The following FRMD4A variants were observed in gnomAD, a reference collection of about 807,000 sequenced individuals.
FRMD4A encodes the protein FERM domain containing 4A, also known as FERM domain-containing protein 4A.
In FRMD4A, 29 loss-of-function variants were observed where a neutral mutation model predicts 129.1. The ratio of observed to expected loss-of-function variants is 0.22; its 90% CI spans 0.17 to 0.31. FRMD4A has a LOEUF of 0.31. Ranked by LOEUF, FRMD4A falls within the 10% of genes least tolerant of loss-of-function variation. The probability of loss-of-function intolerance (pLI) is 1.00; values close to 1 mark genes in which losing one functional copy is unlikely to be tolerated. For synonymous variants in FRMD4A, 634 were observed against 571.6 expected, an observed-to-expected ratio of 1.11 and a Z score of -1.56; for missense variants, 1,272 against 1,375.8, an observed-to-expected ratio of 0.92 and a Z score of 1.19.
At chr10:14,076,225 C>G (rs7099140) in intron 2 of FRMD4A, among the ~76,000 whole-genome samples, 1 of 152,106 alleles carries the variant, frequency 6.6e-6, no homozygotes, top group Non-Finnish European at 1.5e-5. Context: ...ATGTTACCTG[C>G]GAGCTTACCA....
At chr10:13,788,865 T>C (rs991897427) in intron 5 of FRMD4A, among the ~76,000 whole-genome samples, 1 of 152,200 alleles carries the variant, frequency 6.6e-6, no homozygotes, top group South Asian at 2.1e-4. Context: ...CTGGTTGCAA[T>C]AGACTGAACA....
At chr10:13,884,164 A>ACGCT (rs1564970996) in intron 2 of FRMD4A, among the ~76,000 whole-genome samples, 1 of 39,888 alleles carries the variant, frequency 2.5e-5, no homozygotes. Flanking sequence ...TCTCACACAC[A>ACGCT]CACTCACACA....
chr10:13,976,496 T>A (rs2095542531), intron 2 of FRMD4A, among the ~76,000 whole-genome samples: 1 of 151,936 alleles, frequency 6.6e-6, no homozygotes, highest in South Asian at 2.1e-4. Flanking sequence ...TTCTGTGTTT[T>A]CTATCCCGGC....
chr10:14,310,971 A>G (rs1469699627), intron 2 of FRMD4A, among the ~76,000 whole-genome samples: 1 of 152,044 alleles, frequency 6.6e-6, no homozygotes, highest in Non-Finnish European at 1.5e-5. Context: ...AATCTTGGGT[A>G]ATTTCCCCAG....
chr10:14,327,037 G>A (rs2132128401), intron 2 of FRMD4A: 1 of 398,486 alleles, frequency 2.5e-6, no homozygotes, highest in South Asian at 1.3e-4. Context: ...AAGAATCAGT[G>A]AGGTCCTCCC....
At chr10:13,951,429 C>T (rs1205743254) in intron 2 of FRMD4A, among the ~76,000 whole-genome samples, 1 of 151,920 alleles carries the variant, frequency 6.6e-6, no homozygotes. Flanking sequence ...AGGAAAACTA[C>T]AGAGGGAGAT....
At chr10:14,273,793 A>G (rs1845244999) in intron 2 of FRMD4A, among the ~76,000 whole-genome samples, 1 of 152,152 alleles carries the variant, frequency 6.6e-6, no homozygotes, top group South Asian at 2.1e-4. Context: ...TCCTTTGATA[A>G]AAATTGATGG....
At chr10:13,707,457 G>T (rs375759421) in intron 12 of FRMD4A, 2 of 1,035,334 alleles carry the variant, frequency 1.9e-6, no homozygotes, top group Non-Finnish European at 2.3e-6. Context: ...GGGAGGAGAG[G>T]TGGAGACCGG....
intron 3 of FRMD4A, among the ~76,000 whole-genome samples, chr10:13,817,741 C>T (rs1336148362): frequency 6.6e-6 from 1 of 152,150 alleles, no homozygotes; most frequent in Non-Finnish European, 1.5e-5. Flanking sequence ...ACTGTGAGTT[C>T]ACTAAACCTC....
chr10:13,722,113 G>A (rs917520858), intron 12 of FRMD4A, among the ~76,000 whole-genome samples: 1 of 151,630 alleles, frequency 6.6e-6, no homozygotes, highest in African/African-American at 2.4e-5. Flanking sequence ...CTTTCAGAAA[G>A]ATTATAAGCA....
At chr10:13,780,494 G>T (rs1378179098) in intron 6 of FRMD4A, among the ~76,000 whole-genome samples, 1 of 152,070 alleles carries the variant, frequency 6.6e-6, no homozygotes, top group African/African-American at 2.4e-5. Context: ...CAGGACAAGG[G>T]GCTGTCGCTC....
At chr10:14,196,908 G>T (rs1403625184) in intron 2 of FRMD4A, among the ~76,000 whole-genome samples, 2 of 152,172 alleles carry the variant, frequency 1.3e-5, no homozygotes, top group East Asian at 3.9e-4. Context: ...GGAGGTCAAG[G>T]CCAGGCAGGG....
At chr10:13,784,287 A>G (rs773150658) in intron 5 of FRMD4A, among the ~76,000 whole-genome samples, 4 of 152,212 alleles carry the variant, frequency 2.6e-5, no homozygotes, top group Non-Finnish European at 4.4e-5. Context: ...GGGCAGTCAC[A>G]TCATCCTGCT....
At chr10:13,911,863 C>T (rs2094944699) in intron 2 of FRMD4A, among the ~76,000 whole-genome samples, 1 of 152,142 alleles carries the variant, frequency 6.6e-6, no homozygotes, top group Admixed American at 6.5e-5. Flanking sequence ...TGCCTGGCCT[C>T]AAGGAATCTC....
Position 13,646,996 on chromosome 10 carries a change from A to C in FRMD4A, c.*42T>G. ...ACCACTGGACATCAGCTAGTTCTGG[A>C]TAGAGGGAGGAATCCAGGAAACAGC... On this transcript the variant is annotated 3_prime_UTR_variant, in exon 25 of 25. Coordinates refer to ENST00000357447, the MANE Select transcript of FRMD4A (RefSeq NM_018027.5). The C allele has an allele frequency of 1.0e-6, 1 of 983,410 alleles. No homozygotes were observed. Among genetic ancestry groups the C allele is most frequent in the Non-Finnish European group, 1.2e-6 (1 of 827,776 alleles). The allele number at this position is 983,410 out of a possible 1,614,324, so 60.9% of individuals were successfully genotyped here.
chr10:14,048,742 G>T (rs1834097729), intron 2 of FRMD4A, among the ~76,000 whole-genome samples: 1 of 152,044 alleles, frequency 6.6e-6, no homozygotes, highest in South Asian at 2.1e-4. Context: ...GGAAGCGGAG[G>T]TTGCAGTGAG....
chr10:13,957,224 G>C (rs2446573), intron 2 of FRMD4A, among the ~76,000 whole-genome samples: 121,680 of 152,180 alleles, frequency 0.8, 49,299 homozygotes, highest in East Asian at 0.98. Flanking sequence ...GTTACAGTGT[G>C]CCAGTGTTTA....
At chr10:14,065,785 C>T (rs939341786) in intron 2 of FRMD4A, among the ~76,000 whole-genome samples, 73 of 152,180 alleles carry the variant, frequency 4.8e-4, no homozygotes, top group African/African-American at 1.7e-3. Context: ...CAGGAACACA[C>T]TTTGTTGCTC....
At chr10:13,716,622 G>C (rs2088835319) in intron 12 of FRMD4A, among the ~76,000 whole-genome samples, 1 of 152,200 alleles carries the variant, frequency 6.6e-6, no homozygotes, top group Admixed American at 6.5e-5. Context: ...GGTTCATTCA[G>C]TGACAGATAC....
Sources: gnomAD v4.1 joint callset for allele counts (sites outside exome capture counted in the v4.1 genomes callset) on GRCh38, gnomAD v4.1.1 for gene constraint, MANE v1.5 for transcripts, NCBI Gene and HGNC (gene_info 2026-07-23, HGNC 2026-07-21) for gene names.